LRRK2: variants seen among roughly 807,000 people sequenced by gnomAD.
LRRK2 encodes the protein leucine-rich repeat serine/threonine-protein kinase 2.
LRRK2 carries 203 observed loss-of-function variants against 302.6 expected under a neutral mutation model. The ratio of observed to expected loss-of-function variants is 0.67; its 90% CI spans 0.60 to 0.75. LRRK2 has a LOEUF of 0.75. LRRK2 is among the 30% of genes least tolerant of loss of function. The probability of loss-of-function intolerance (pLI) is 0.00; values close to 1 mark genes in which losing one functional copy is unlikely to be tolerated. For synonymous variants in LRRK2, 1,066 were observed against 1,031.9 expected (o/e 1.03, Z -0.63); for missense variants, 2,830 against 2,951.0 (o/e 0.96, Z 0.95).
intron 31 of LRRK2, among the ~76,000 whole-genome samples, chr12:40,313,059 CTG>C (rs1227744885): frequency 6.6e-6 from 1 of 151,720 alleles, no homozygotes; most frequent in East Asian, 1.9e-4. Context: ...TAATTTTTTT[CTG>C]TGTGTGCTGA....
At chr12:40,284,248 T>C in intron 19 of LRRK2, 115 bp downstream of exon 19, 2 of 870,580 alleles carry the variant, frequency 2.3e-6, no homozygotes, top group South Asian at 4.1e-5. Flanking sequence ...CCAAAGATAT[T>C]GCAAAGGTTT....
At position 40,305,898 on chromosome 12, in the gene LRRK2, TC is replaced by T; in HGVS notation, c.3893del (p.Pro1298LeufsTer14). 6.2e-7 allele frequency: 1 copy of T among 1,613,424 alleles called. No homozygotes were observed. Among genetic ancestry groups the T allele is most frequent in the Non-Finnish European group, 8.5e-7 (1 of 1,179,602 alleles). ...MGKLSKIWDL[P>X]LDELHLNFDF... ...GGAAATTAAGCAAAATATGGGATCT[TC>T]CTTTGGATGAACTGCATCTTAACTT... is the stretch of plus-strand genomic sequence containing the variant. On this transcript the variant is annotated frameshift_variant, in exon 28 of 51. Coordinates refer to ENST00000298910, the MANE Select transcript of LRRK2 (RefSeq NM_198578.4). LOFTEE classifies it high-confidence loss of function.
chr12:40,315,345 A>C, intron 33 of LRRK2, 45 bp downstream of exon 33: 1 of 1,455,950 alleles, frequency 6.9e-7, no homozygotes, highest in Non-Finnish European at 9.7e-7. Flanking sequence ...TGGTCAAAGC[A>C]TAGAACAGAT....
rs281865051 is a variant in LRRK2 at position 40,319,998 on chromosome 12, T to G, written c.4838T>G (p.Val1613Gly). ...LCKIMAQILTVKVEGCPKHPK... is the reference protein window; with the variant it reads ...LCKIMAQILTGKVEGCPKHPK... ...ACTCGAATCTTTCAGATTTTGACAGTGAAAGTGGAAGGTTGTCCAAAACAC... is the reference window on the plus strand; with the variant it reads ...ACTCGAATCTTTCAGATTTTGACAGGGAAAGTGGAAGGTTGTCCAAAACAC... Residue 1613 changes from valine to glycine, a missense_variant, in exon 34 of 51, where the codon GTG becomes GGG. Physicochemically the swap from Val to Gly is moderately radical, Grantham distance 109. Around this residue, in one of 3 missense-constraint regions of LRRK2, gnomAD observed 2,121 missense variants for 2,148.0 expected, o/e 0.99. Transcript: ENST00000298910. 6.2e-7 allele frequency: 1 copy of G among 1,608,562 alleles called. No individual in the cohort carries two copies. Among genetic ancestry groups the G allele is most frequent in the East Asian group, 2.2e-5 (1 of 44,780 alleles).
chr12:40,273,494 G>C (rs900906679), intron 14 of LRRK2, among the ~76,000 whole-genome samples: 8 of 152,156 alleles, frequency 5.3e-5, no homozygotes, highest in African/African-American at 1.9e-4. Flanking sequence ...AGAGGCATTA[G>C]GGGACTAGAC....
Position 40,322,511 on chromosome 12 carries a change from G to T in LRRK2, c.5509+1G>T. 1 of 1,612,232 alleles carries T rather than the reference G, an allele frequency of 6.2e-7. No individual in the cohort carries two copies. The highest frequency in any genetic ancestry group is 2.2e-5 in the East Asian group (1 of 44,820). Reference sequence around the variant, plus strand: ...GACTTGATGAAGAAAGCAGAGGAAGGTATGTTTTGATACAACTTACAAATG... The same window carrying T: ...GACTTGATGAAGAAAGCAGAGGAAGTTATGTTTTGATACAACTTACAAATG... On this transcript the variant is annotated splice_donor_variant, in intron 37 of 50. Transcript: ENST00000298910. LOFTEE classifies it high-confidence loss of function.
intron 14 of LRRK2, among the ~76,000 whole-genome samples, chr12:40,270,143 G>A (rs369465592): frequency 5.9e-5 from 9 of 152,138 alleles, no homozygotes; most frequent in Admixed American, 1.3e-4. Context: ...CATAGTATGC[G>A]CTCAATAAAT....
In LRRK2 at chr12:40,314,155, C is replaced by A; in HGVS notation, c.4720C>A (p.His1574Asn). Reference sequence around the variant, plus strand: ...TGAAAATGAGCTTCCTCACGCAGTTCACTTTCTAAATGAATCAGGTTTGTG... The same window carrying A: ...TGAAAATGAGCTTCCTCACGCAGTTAACTTTCTAAATGAATCAGGTTTGTG... ...LDENELPHAVHFLNESGVLLH... is the reference protein window; with the variant it reads ...LDENELPHAVNFLNESGVLLH... The change falls in exon 32 of 51, where the codon CAC (histidine) becomes AAC (asparagine). Residue 1574 changes from histidine (H) to asparagine (N), a missense_variant. By Grantham distance (68) the His-to-Asn change is moderately conservative. Coordinates refer to ENST00000298910, the MANE Select transcript of LRRK2 (RefSeq NM_198578.4). 1 of 1,612,378 alleles carries A rather than the reference C, an allele frequency of 6.2e-7. No individual in the cohort carries two copies. Among genetic ancestry groups the A allele is most frequent in the South Asian group, 1.1e-5 (1 of 91,030 alleles).
intron 41 of LRRK2, among the ~76,000 whole-genome samples, chr12:40,344,330 G>A (rs975807639): frequency 1.3e-5 from 2 of 152,088 alleles, no homozygotes; most frequent in African/African-American, 4.8e-5. Context: ...AGATATAATA[G>A]ATACCTAATA....
At chr12:40,232,783 G>A (rs1941261976) in intron 3 of LRRK2, 1 of 165,700 alleles carries the variant, frequency 6.0e-6, no homozygotes, top group African/African-American at 2.4e-5. Context: ...TAATTTGAAA[G>A]TTGATGTTCT....
chr12:40,277,869 T>C lies in LRRK2; in HGVS notation c.1942-19T>C, dbSNP rs772175899. ...GCCTGTAATTGCTTATTTTATTATT[T>C]TTTTTCTTATACTTTTAGGGATTTC... On this transcript the variant is annotated intron_variant, in intron 16 of 50. Transcript: ENST00000298910. 1 of 1,573,892 alleles carries C rather than the reference T, an allele frequency of 6.4e-7. No individual in the cohort carries two copies. Among genetic ancestry groups the C allele is most frequent in the Non-Finnish European group, 8.6e-7 (1 of 1,159,408 alleles).
Position 40,274,834 on chromosome 12 carries a change from C to T in LRRK2, c.1802-20C>T, listed in dbSNP as rs1565701916. 1.2e-6 allele frequency: 2 copies of T among 1,601,462 alleles called. No homozygotes were observed. Among genetic ancestry groups the T allele is most frequent in the Non-Finnish European group, 1.7e-6 (2 of 1,169,866 alleles). On this transcript the variant is annotated intron_variant, in intron 15 of 50. Coordinates refer to ENST00000298910, the MANE Select transcript of LRRK2 (RefSeq NM_198578.4). The stretch of plus-strand genomic sequence containing the variant: ...TTCAGTTTTGAGATTTAAAACAATT[C>T]TTTTTTTTTATTTTCCTAGAAATTC...
chr12:40,298,311 G>A lies in LRRK2; in HGVS notation c.3165G>A (p.Leu1055=), dbSNP rs1175168273. The A allele has an allele frequency of 6.2e-7, 1 of 1,613,742 alleles. No homozygotes were observed. Among genetic ancestry groups the A allele is most frequent in the Admixed American group, 1.7e-5 (1 of 59,976 alleles). ...NKFTSFPSYL[L]KMSCIANLDV... ...TTACATCATTTCCTTCTTATTTGTTGAAAATGAGTTGTATTGCTAATCTTG... is the reference window on the plus strand; with the variant it reads ...TTACATCATTTCCTTCTTATTTGTTAAAAATGAGTTGTATTGCTAATCTTG... The change falls in exon 24 of 51, where the codon TTG becomes TTA. Residue 1055 remains leucine, a synonymous_variant. Transcript: ENST00000298910.
intron 43 of LRRK2, among the ~76,000 whole-genome samples, chr12:40,348,750 T>G (rs889195138): frequency 1.3e-5 from 2 of 152,134 alleles, no homozygotes; most frequent in Non-Finnish European, 2.9e-5. Context: ...CTGCCCATTA[T>G]TTTGCCCATT....
At chr12:40,318,513 A>G (rs993713024) in intron 33 of LRRK2, among the ~76,000 whole-genome samples, 3 of 152,114 alleles carry the variant, frequency 2.0e-5, no homozygotes, top group African/African-American at 7.2e-5. Flanking sequence ...CCTATGATAC[A>G]GATGAAGAAA....
chr12:40,280,621 TTAAAATAAAA>T (rs57373855), intron 18 of LRRK2, among the ~76,000 whole-genome samples: 19 of 132,632 alleles, frequency 1.4e-4, no homozygotes, highest in South Asian at 2.4e-4. Flanking sequence ...CCAGACCCTG[TTAAAATAAAA>T]TAAAATAAAA....
chr12:40,225,304 G>A, intron 1 of LRRK2, 22 bp downstream of exon 1: 1 of 1,613,274 alleles, frequency 6.2e-7, no homozygotes, highest in South Asian at 1.1e-5. Context: ...AAAATAAACT[G>A]TGCTTTTATT....
At chr12:40,243,842 C>T (rs1310043710) in intron 7 of LRRK2, among the ~76,000 whole-genome samples, 161 bp downstream of exon 7, 3 of 151,960 alleles carry the variant, frequency 2.0e-5, no homozygotes, top group Non-Finnish European at 4.4e-5. Flanking sequence ...AAAGAAAATA[C>T]TGTAAATTAC....
At chr12:40,367,339 T>C in intron 50 of LRRK2, 2 of 452,256 alleles carry the variant, frequency 4.4e-6, no homozygotes, top group Non-Finnish European at 7.8e-6. Flanking sequence ...TTTTTACAAC[T>C]TATCTATATC....
Sources: allele counts gnomAD v4.1 joint callset (sites outside exome capture counted in the v4.1 genomes callset), GRCh38; gene constraint gnomAD v4.1.1; regional missense constraint gnomAD v4.1.1; transcripts MANE v1.5; gene names NCBI Gene and HGNC (gene_info 2026-07-23, HGNC 2026-07-21).